The following KLB variants were observed in gnomAD, a reference collection of about 807,000 sequenced individuals.
KLB encodes beta-klotho.
Under a neutral mutation model 88.4 loss-of-function variants are expected in KLB, and 44 were observed. The ratio of observed to expected loss-of-function variants is 0.50; its 90% CI spans 0.39 to 0.64. KLB has a LOEUF of 0.64. KLB is among the 30% of genes least tolerant of loss of function. The pLI is 0.00. For synonymous variants in KLB, 548 were observed against 513.4 expected (o/e 1.07, Z -0.91); for missense variants, 1,137 against 1,304.8 (o/e 0.87, Z 1.98).
At chr4:39,433,346 G>A (rs572057831) in intron 1 of KLB, among the ~76,000 whole-genome samples, 4 of 152,208 alleles carry the variant, frequency 2.6e-5, no homozygotes, top group South Asian at 2.1e-4. Flanking sequence ...GGGCAGTGCC[G>A]ACCACCCTTT....
In KLB at chr4:39,407,539, ATT is replaced by A; in HGVS notation, c.592_593del (p.Leu198AlafsTer14). ...CCTATAGTTACTTTATACCACTGGG[ATT>A]TGCCTTTGGCACTACAAGAAAAATA... On this transcript the variant is annotated frameshift_variant, in exon 1 of 5. Transcript: ENST00000257408. LOFTEE classifies it high-confidence loss of function. 1.2e-6 allele frequency: 2 copies of A among 1,614,112 alleles called. No individual in the cohort carries two copies. Among genetic ancestry groups the A allele is most frequent in the Non-Finnish European group, 8.5e-7 (1 of 1,179,954 alleles).
At chr4:39,438,298 A>G (rs765298169) in intron 3 of KLB, among the ~76,000 whole-genome samples, 21 of 152,148 alleles carry the variant, frequency 1.4e-4, no homozygotes, top group Non-Finnish European at 2.6e-4. Flanking sequence ...TTATAATAGT[A>G]ATGTCAAAAT....
intron 3 of KLB, among the ~76,000 whole-genome samples, chr4:39,442,128 C>G (rs1156900362): frequency 6.6e-6 from 1 of 151,874 alleles, no homozygotes; most frequent in Non-Finnish European, 1.5e-5. Flanking sequence ...TCTATAATTC[C>G]ATCTACTCAG....
chr4:39,440,769 G>A (rs1743581420), intron 3 of KLB, among the ~76,000 whole-genome samples: 1 of 151,422 alleles, frequency 6.6e-6, no homozygotes, highest in Non-Finnish European at 1.5e-5. Context: ...TGTTGCCCAG[G>A]CTGGTCTCAA....
rs1453217976 is a variant in KLB at position 39,450,138 on chromosome 4, A to C, written c.*1452A>C. 6.6e-6 allele frequency: 1 copy of C among 152,158 alleles called. No individual in the cohort carries two copies. Among genetic ancestry groups the C allele is most frequent in the Non-Finnish European group, 1.5e-5 (1 of 68,014 alleles). 9.4% of individuals were successfully genotyped at this position (152,158 alleles called of 1,614,324 possible). On this transcript the variant is annotated 3_prime_UTR_variant, in exon 5 of 5. Transcript: ENST00000257408. ...GTTAATTACTAGATCTGACTTGGAT[A>C]ATTTGACACTTTGGGAAATGAACTC... is the stretch of plus-strand genomic sequence containing the variant.
rs1743771900 is a variant in KLB at position 39,447,197 on chromosome 4, A to G, written c.2471A>G (p.Asn824Ser). Residue 824 changes from asparagine to serine, a missense_variant, in exon 4 of 5, where the codon AAC becomes AGC. Asn to Ser is a conservative substitution (Grantham distance 46). Around this residue, in one of 4 missense-constraint regions of KLB, gnomAD observed 426 missense variants for 404.6 expected, o/e 1.05. Transcript: ENST00000257408. ...GGCACGGTCGACTTCTGCGCGCTCAACCACTTCACCACTAGGTTCGTGATG... is the reference window on the plus strand; with the variant it reads ...GGCACGGTCGACTTCTGCGCGCTCAGCCACTTCACCACTAGGTTCGTGATG... ...LKGTVDFCAL[N>S]HFTTRFVMHE... The G allele has an allele frequency of 1.9e-6, 3 of 1,613,930 alleles. No homozygotes were observed. The highest frequency in any genetic ancestry group is 2.5e-6 in the Non-Finnish European group (3 of 1,180,014).
At chr4:39,417,267 T>C (rs935963180) in intron 1 of KLB, among the ~76,000 whole-genome samples, 1 of 152,146 alleles carries the variant, frequency 6.6e-6, no homozygotes, top group African/African-American at 2.4e-5. Context: ...ACTTTCTTCC[T>C]TCCACCACTT....
intron 1 of KLB, among the ~76,000 whole-genome samples, chr4:39,414,228 C>G (rs937987794): frequency 1.3e-5 from 2 of 151,492 alleles, no homozygotes; most frequent in African/African-American, 4.9e-5. Flanking sequence ...TACACAATTG[C>G]CTCAAGGAGA....
chr4:39,446,275 C>G lies in KLB; in HGVS notation c.1606-57C>G. ...CTTTGGGAGGCAGAGGTAGGCAGAT[C>G]ACTTGAGCCTCCATCTGCCAGCGCA... is the stretch of plus-strand genomic sequence containing the variant. On this transcript the variant is annotated intron_variant, in intron 3 of 4. Transcript: ENST00000257408. The surrounding 1 kb of genome is among the most constrained non-coding windows in gnomAD (Gnocchi z 6.4). 2 of 1,479,134 alleles carry G rather than the reference C, an allele frequency of 1.4e-6. No individual in the cohort carries two copies. Among genetic ancestry groups the G allele is most frequent in the Non-Finnish European group, 1.8e-6 (2 of 1,085,466 alleles). 91.6% of individuals were successfully genotyped at this position (1,479,134 alleles called of 1,614,324 possible).
At chr4:39,423,592 A>G (rs1743134495) in intron 1 of KLB, among the ~76,000 whole-genome samples, 1 of 151,836 alleles carries the variant, frequency 6.6e-6, no homozygotes, top group Admixed American at 6.6e-5. Context: ...TTCTTTTCTA[A>G]AATGGGAAAA....
At chr4:39,433,171 C>T (rs1027566266) in intron 1 of KLB, among the ~76,000 whole-genome samples, 16 of 152,122 alleles carry the variant, frequency 1.1e-4, no homozygotes, top group African/African-American at 1.7e-4. Context: ...TGAGCCACCC[C>T]GCCTGGTGGA....
intron 3 of KLB, among the ~76,000 whole-genome samples, chr4:39,440,528 A>C (rs1408146621): frequency 6.6e-6 from 1 of 152,202 alleles, no homozygotes; most frequent in Non-Finnish European, 1.5e-5. Flanking sequence ...CAAACCATGA[A>C]TTAGCAAAGT....
rs2109849796 is a variant in KLB, at chr4:39,450,841, CTT to C, written c.*2157_*2158del. ...TCAACTGGGCAACTCATTAACCTCT[CTT>C]TAACATCAAGGGCTTGGGAAAAAAA... is the stretch of plus-strand genomic sequence containing the variant. On this transcript the variant is annotated 3_prime_UTR_variant, in exon 5 of 5. Transcript: ENST00000257408. The C allele has an allele frequency of 7.1e-6, 1 of 140,462 alleles. No homozygotes were observed. The highest frequency in any genetic ancestry group is 2.1e-4 in the East Asian group (1 of 4,764). The allele number at this position is 140,462 out of a possible 1,614,324, so 8.7% of individuals were successfully genotyped here.
chr4:39,430,403 T>C (rs2109832161), intron 1 of KLB, among the ~76,000 whole-genome samples: 1 of 6,674 alleles, frequency 1.5e-4, no homozygotes, highest in African/African-American at 3.5e-4. Context: ...CTTTTGTTTC[T>C]AATTAGAAAA....
At chr4:39,408,532 A>G (rs1002174502) in intron 1 of KLB, among the ~76,000 whole-genome samples, 11 of 152,210 alleles carry the variant, frequency 7.2e-5, no homozygotes, top group African/African-American at 2.4e-4. Flanking sequence ...TTTTACATGC[A>G]TCGTTACAGT....
At position 39,407,474 on chromosome 4, in the gene KLB, C is replaced by T. The variant is rs757841752; in HGVS notation, c.525C>T (p.Tyr175=). 2.5e-6 allele frequency: 4 copies of T among 1,613,982 alleles called. No homozygotes were observed. Among genetic ancestry groups the T allele is most frequent in the Admixed American group, 1.7e-5 (1 of 60,006 alleles). ...CCAACGCAAAAGGTCTGCAGTACTA[C>T]AGTACTCTTCTGGACGCTCTAGTGC... The part of the protein sequence containing the change: ...TVANAKGLQY[Y]STLLDALVLR... Residue 175 remains tyrosine, a synonymous_variant, in exon 1 of 5, where the codon TAC becomes TAT. Transcript: ENST00000257408.
At position 39,446,267 on chromosome 4, in the gene KLB, A is replaced by AG; in HGVS notation, c.1606-63dup. On this transcript the variant is annotated intron_variant, in intron 3 of 4. Transcript: ENST00000257408. The surrounding 1 kb of genome is among the most constrained non-coding windows in gnomAD (Gnocchi z 6.4). Reference sequence around the variant, plus strand: ...TCCCAGCACTTTGGGAGGCAGAGGTAGGCAGATCACTTGAGCCTCCATCTG... The same window carrying AG: ...TCCCAGCACTTTGGGAGGCAGAGGTAGGGCAGATCACTTGAGCCTCCATCTG... 7.0e-7 allele frequency: 1 copy of AG among 1,437,388 alleles called. No homozygotes were observed. Among genetic ancestry groups the AG allele is most frequent in the East Asian group, 2.3e-5 (1 of 43,774 alleles). 89.0% of individuals were successfully genotyped at this position (1,437,388 alleles called of 1,614,324 possible).
Position 39,407,538 on chromosome 4 carries a change from G to A in KLB, c.589G>A (p.Asp197Asn). ...ACCTATAGTTACTTTATACCACTGG[G>A]ATTTGCCTTTGGCACTACAAGAAAA... is the stretch of plus-strand genomic sequence containing the variant. ...IEPIVTLYHW[D>N]LPLALQEKYG... is the part of the protein sequence containing the mutation. Residue 197 changes from aspartate (D) to asparagine (N), a missense_variant, in exon 1 of 5, where the codon GAT (aspartate) becomes AAT (asparagine). Transcript: ENST00000257408. The A allele has an allele frequency of 6.2e-7, 1 of 1,614,074 alleles. No homozygotes were observed. The highest frequency in any genetic ancestry group is 1.7e-4 in the Middle Eastern group (1 of 6,060).
chr4:39,414,528 A>G (rs768255038), intron 1 of KLB, among the ~76,000 whole-genome samples: 2 of 152,082 alleles, frequency 1.3e-5, no homozygotes, highest in Admixed American at 6.6e-5. Flanking sequence ...TTAACCATTC[A>G]TGAACAAAAC....
Sources: allele counts gnomAD v4.1 joint callset (sites outside exome capture counted in the v4.1 genomes callset), GRCh38; gene constraint gnomAD v4.1.1; regional missense constraint gnomAD v4.1.1; non-coding constraint Gnocchi (gnomAD v3.1); transcripts MANE v1.5; gene names NCBI Gene and HGNC (gene_info 2026-07-23, HGNC 2026-07-21).